Variants in MAF1 observed in about 807,000 individuals in gnomAD.
MAF1 encodes MAF1 negative regulator of RNA polymerase III.
MAF1 carries 7 observed loss-of-function variants against 31.9 expected under a neutral mutation model. That is an observed-to-expected ratio of 0.22 (90% CI 0.12 to 0.41). The LOEUF is 0.41. Among genes scored for constraint, MAF1 ranks in the 10% least tolerant of loss-of-function variants. The pLI is 1.00. For synonymous variants in MAF1, 157 were observed against 120.0 expected (o/e 1.31, Z -2.02); for missense variants, 221 against 323.1 (o/e 0.68, Z 2.42).
rs376757668 is a variant in MAF1, at chr8:144,105,701, C to T, written c.18C>T (p.Asn6=). The T allele has an allele frequency of 3.1e-4, 508 of 1,613,428 alleles. No homozygotes were observed. Among genetic ancestry groups the T allele is most frequent in the Non-Finnish European group, 4.0e-4 (473 of 1,179,996 alleles). ...CCAAAGACATGAAGCTATTGGAGAA[C>T]TCGAGCTTTGAAGCCATCAACTCAC... is the stretch of plus-strand genomic sequence containing the variant. MKLLE[N]SSFEAINSQL... Residue 6 remains asparagine, a synonymous_variant, in exon 2 of 8, where the codon AAC becomes AAT. Transcript: ENST00000322428.
At position 144,105,865 on chromosome 8, in the gene MAF1, A is replaced by C. The variant is rs767432912; in HGVS notation, c.84-4A>C. Reference sequence around the variant, plus strand: ...TGCTTCATGGTTCTCTCTGCATCCTATAGGATTGAGAGCTACTCATGTAAG... The same window carrying C: ...TGCTTCATGGTTCTCTCTGCATCCTCTAGGATTGAGAGCTACTCATGTAAG... On this transcript the variant is annotated splice_polypyrimidine_tract_variant and splice_region_variant and intron_variant, in intron 2 of 7. Coordinates refer to ENST00000322428, the MANE Select transcript of MAF1 (RefSeq NM_032272.5). 1 of 1,612,712 alleles carries C rather than the reference A, an allele frequency of 6.2e-7. No homozygotes were observed. Among genetic ancestry groups the C allele is most frequent in the African/African-American group, 1.3e-5 (1 of 74,884 alleles).
rs753600666 is a variant in MAF1 at position 144,106,004 on chromosome 8, C to T, written c.212+7C>T. On this transcript the variant is annotated splice_region_variant and intron_variant, in intron 3 of 7. Transcript: ENST00000322428. ...CAGGACTGAGCCCCAGCAGGTGAGC[C>T]ATGGTGGGGCCTACCTGGGGCTGGG... 5 of 1,613,390 alleles carry T rather than the reference C, an allele frequency of 3.1e-6. No homozygotes were observed. In the Admixed American group the frequency reaches 8.3e-5, roughly 27 times the overall value.
chr8:144,105,569 G>A lies in MAF1; in HGVS notation c.-44-71G>A, dbSNP rs928720018. The A allele has an allele frequency of 1.5e-5, 13 of 885,486 alleles. No individual in the cohort carries two copies. In the South Asian group the frequency reaches 1.5e-4, roughly 10 times the overall value. The allele number at this position is 885,486 out of a possible 1,614,324, so 54.9% of individuals were successfully genotyped here. On this transcript the variant is annotated intron_variant, in intron 1 of 7. Coordinates refer to ENST00000322428, the MANE Select transcript of MAF1 (RefSeq NM_032272.5). The stretch of plus-strand genomic sequence containing the variant: ...CTTGTTCCTAGCGGCTCCACTTAGT[G>A]GGTAGGAGGGCTGAAGGCAGGGCCC...
At chr8:144,105,492 C>G in intron 1 of MAF1, 148 bp from the exon 2 acceptor site, 1 of 601,900 alleles carries the variant, frequency 1.7e-6, no homozygotes, top group East Asian at 2.8e-5. Flanking sequence ...CTCTCCTGGC[C>G]GGGCAGAGAG....
At chr8:144,106,533 C>G (rs1836417190) in intron 5 of MAF1, 22 bp from the exon 6 acceptor site, 1 of 1,613,930 alleles carries the variant, frequency 6.2e-7, no homozygotes, top group Non-Finnish European at 8.5e-7. Context: ...CCTCACACCA[C>G]CTGTCACCCT....
Position 144,107,185 on chromosome 8 carries a change from G to A in MAF1, c.*76G>A, listed in dbSNP as rs1166380612. ...CCTGTCCACCTGAGAGGCCCCTGGG[G>A]CCTCCCCAGCTGCTGGCCAGACCCT... On this transcript the variant is annotated 3_prime_UTR_variant, in exon 8 of 8. Coordinates refer to ENST00000322428, the MANE Select transcript of MAF1 (RefSeq NM_032272.5). 3 of 1,529,392 alleles carry A rather than the reference G, an allele frequency of 2.0e-6. No individual in the cohort carries two copies. Among genetic ancestry groups the A allele is most frequent in the Non-Finnish European group, 2.7e-6 (3 of 1,128,042 alleles). 94.7% of individuals were successfully genotyped at this position (1,529,392 alleles called of 1,614,324 possible).
rs549979534 is a variant in MAF1, at chr8:144,107,318, C to G, written c.*209C>G. 2.2e-4 allele frequency: 145 copies of G among 656,390 alleles called. 2 individuals are homozygous for G. In the South Asian group the frequency reaches 2.6e-3, roughly 12 times the overall value. The allele number at this position is 656,390 out of a possible 1,614,324, so 40.7% of individuals were successfully genotyped here. On this transcript the variant is annotated 3_prime_UTR_variant, in exon 8 of 8. Coordinates refer to ENST00000322428, the MANE Select transcript of MAF1 (RefSeq NM_032272.5). ...CAGACTCCTGCTGCCCATGCTGTGGCCGGACTTGTCAGCAGGGGGCCTGGT... is the reference window on the plus strand; with the variant it reads ...CAGACTCCTGCTGCCCATGCTGTGGGCGGACTTGTCAGCAGGGGGCCTGGT...
intron 4 of MAF1, 26 bp downstream of exon 4, chr8:144,106,267 C>T (rs762500652): frequency 4.3e-6 from 7 of 1,613,316 alleles, no homozygotes; most frequent in Non-Finnish European, 5.1e-6. Flanking sequence ...AGGGAAGGGA[C>T]CCACAGCCAC....
Position 144,106,444 on chromosome 8 carries a change from G to A in MAF1, c.480G>A (p.Leu160=). The part of the protein sequence containing the change: ...LWNAVDEEIC[L]AECDIYSYNP... ...ACGCGGTGGACGAGGAGATCTGCCT[G>A]GCTGAATGTGACATCTACAGGTGGG... The change falls in exon 5 of 8, where the codon CTG becomes CTA. Residue 160 remains leucine (L), a synonymous_variant. Transcript: ENST00000322428. 1 of 1,613,980 alleles carries A rather than the reference G, an allele frequency of 6.2e-7. No homozygotes were observed. The highest frequency in any genetic ancestry group is 8.5e-7 in the Non-Finnish European group (1 of 1,180,014).
In MAF1 at chr8:144,107,118, A is replaced by C. The variant is rs1448520358; in HGVS notation, c.*9A>C. 2.6e-6 allele frequency: 4 copies of C among 1,563,680 alleles called. No homozygotes were observed. The highest frequency in any genetic ancestry group is 3.5e-6 in the Non-Finnish European group (4 of 1,154,262). On this transcript the variant is annotated 3_prime_UTR_variant, in exon 8 of 8. Coordinates refer to ENST00000322428, the MANE Select transcript of MAF1 (RefSeq NM_032272.5). ...CAGTGATCTGTATTTGATGAGGAGG[A>C]GCCGAGGCCCCAGCTTCATCCAGCT...
In MAF1 at chr8:144,106,061, G is replaced by C. The variant is rs1355587210; in HGVS notation, c.213-15G>C. The C allele has an allele frequency of 1.2e-6, 2 of 1,613,524 alleles. No homozygotes were observed. The highest frequency in any genetic ancestry group is 2.7e-5 in the African/African-American group (2 of 74,914). ...GGGGAGGTGATGGGCCCAGCTGATG[G>C]TTCTGTCTGTGCAGACTCAGCAAAA... On this transcript the variant is annotated splice_polypyrimidine_tract_variant and intron_variant, in intron 3 of 7. Coordinates refer to ENST00000322428, the MANE Select transcript of MAF1 (RefSeq NM_032272.5).
Position 144,105,988 on chromosome 8 carries a change from G to T in MAF1, c.203G>T (p.Ser68Ile), listed in dbSNP as rs1297766898. Residue 68 changes from serine to isoleucine, a missense_variant, in exon 3 of 8, where the codon AGC (serine) becomes ATC (isoleucine). Physicochemically the swap from Ser to Ile is moderately radical, Grantham distance 142. Coordinates refer to ENST00000322428, the MANE Select transcript of MAF1 (RefSeq NM_032272.5). The stretch of plus-strand genomic sequence containing the variant: ...TCTCCACCCCAGACTTCAGGACTGA[G>T]CCCCAGCAGGTGAGCCATGGTGGGG... Reference protein sequence around the residue: ...ALSPPQTSGLSPSRLSKSQGG... With the variant: ...ALSPPQTSGLIPSRLSKSQGG... 1 of 1,613,404 alleles carries T rather than the reference G, an allele frequency of 6.2e-7. No homozygotes were observed. Among genetic ancestry groups the T allele is most frequent in the Non-Finnish European group, 8.5e-7 (1 of 1,180,010 alleles).
chr8:144,106,061 G>A lies in MAF1; in HGVS notation c.213-15G>A. On this transcript the variant is annotated splice_polypyrimidine_tract_variant and intron_variant, in intron 3 of 7. Transcript: ENST00000322428. ...GGGGAGGTGATGGGCCCAGCTGATG[G>A]TTCTGTCTGTGCAGACTCAGCAAAA... 2.5e-6 allele frequency: 4 copies of A among 1,613,642 alleles called. No individual in the cohort carries two copies. Among genetic ancestry groups the A allele is most frequent in the Non-Finnish European group, 3.4e-6 (4 of 1,180,032 alleles).
intron 6 of MAF1, 64 bp from the exon 7 acceptor site, chr8:144,106,771 C>T (rs1836422633): frequency 6.4e-7 from 1 of 1,562,392 alleles, no homozygotes; most frequent in Non-Finnish European, 8.7e-7. Flanking sequence ...CCTGAACATC[C>T]TCCCTGGGGC....
rs750483885 is a variant in MAF1, at chr8:144,107,557, CTGAG to C, written c.*451_*454del. The C allele has an allele frequency of 9.8e-6, 6 of 614,348 alleles. No individual in the cohort carries two copies. Among genetic ancestry groups the C allele is most frequent in the Admixed American group, 2.5e-5 (1 of 39,832 alleles). The allele number at this position is 614,348 out of a possible 1,614,324, so 38.1% of individuals were successfully genotyped here. On this transcript the variant is annotated 3_prime_UTR_variant, in exon 8 of 8. Transcript: ENST00000322428. The stretch of plus-strand genomic sequence containing the variant: ...CACCTCGCCCATTTGGCCGCGTGCA[CTGAG>C]TGTCACTTTGCTGCAGCTCGTTTCT...
chr8:144,106,925 C>A lies in MAF1; in HGVS notation c.711C>A (p.Gly237=). The change falls in exon 7 of 8, where the codon GGC becomes GGA. Residue 237 remains glycine (G), a synonymous_variant. Coordinates refer to ENST00000322428, the MANE Select transcript of MAF1 (RefSeq NM_032272.5). The part of the protein sequence containing the change: ...EEVEEESRSG[G]SGAEETSTME... ...TGGAGGAAGAAAGCAGAAGCGGGGG[C>A]AGTGGGGCCGAGGAGACCAGCACCA... 1 of 1,516,380 alleles carries A rather than the reference C, an allele frequency of 6.6e-7. No homozygotes were observed. Among genetic ancestry groups the A allele is most frequent in the Non-Finnish European group, 8.8e-7 (1 of 1,134,576 alleles). The allele number at this position is 1,516,380 out of a possible 1,614,324, so 93.9% of individuals were successfully genotyped here. A position where few individuals can be genotyped will look rare whatever the true frequency, so the allele number is the denominator to read the frequency against.
intron 5 of MAF1, 33 bp downstream of exon 5, chr8:144,106,497 C>T (rs1267633751): frequency 1.9e-6 from 3 of 1,613,778 alleles, no homozygotes; most frequent in Admixed American, 3.3e-5. Flanking sequence ...GGCCTCCAGG[C>T]CTCCAGGTTT....
chr8:144,106,901 G>A lies in MAF1; in HGVS notation c.687G>A (p.Val229=). The A allele has an allele frequency of 6.5e-6, 10 of 1,531,140 alleles. No homozygotes were observed. The highest frequency in any genetic ancestry group is 1.4e-5 in the African/African-American group (1 of 72,186). 94.8% of individuals were successfully genotyped at this position (1,531,140 alleles called of 1,614,324 possible). A position where few individuals can be genotyped will look rare whatever the true frequency, so the allele number is the denominator to read the frequency against. Residue 229 remains valine (V), a synonymous_variant, in exon 7 of 8, where the codon GTG becomes GTA. Transcript: ENST00000322428. ...ELDMELGEEE[V]EEESRSGGSG... ...ACATGGAGCTGGGGGAGGAGGAGGT[G>A]GAGGAAGAAAGCAGAAGCGGGGGCA... is the stretch of plus-strand genomic sequence containing the variant.
chr8:144,104,531 C>T lies in MAF1; in HGVS notation c.-372C>T, dbSNP rs1554766584. On this transcript the variant is annotated 5_prime_UTR_variant, in exon 1 of 8. Coordinates refer to ENST00000322428, the MANE Select transcript of MAF1 (RefSeq NM_032272.5). ...GGCCGGGGGAGGCGGAGGTCGCTCG[C>T]TCGCTCGCTCGGCTCGCTGACTCGC... is the stretch of plus-strand genomic sequence containing the variant. 1 of 151,240 alleles carries T rather than the reference C, an allele frequency of 6.6e-6. No individual in the cohort carries two copies. Among genetic ancestry groups the T allele is most frequent in the African/African-American group, 2.5e-5 (1 of 40,504 alleles). 9.4% of individuals were successfully genotyped at this position (151,240 alleles called of 1,614,324 possible). A position where few individuals can be genotyped will look rare whatever the true frequency, so the allele number is the denominator to read the frequency against.
Sources: allele counts gnomAD v4.1 joint callset, GRCh38; gene constraint gnomAD v4.1.1; transcripts MANE v1.5; gene names NCBI Gene and HGNC (gene_info 2026-07-23, HGNC 2026-07-21).